Variants in DYNC1LI2 observed in about 807,000 individuals in gnomAD.
The protein encoded by DYNC1LI2 is cytoplasmic dynein 1 light intermediate chain 2.
Under a neutral mutation model 57.8 loss-of-function variants are expected in DYNC1LI2, and 19 were observed. That is an observed-to-expected ratio of 0.33 (90% confidence interval 0.23 to 0.48). DYNC1LI2 has a LOEUF of 0.48. Among genes scored for constraint, DYNC1LI2 ranks in the 20% least tolerant of loss-of-function variants. DYNC1LI2 has a pLI of 0.99. For synonymous variants in DYNC1LI2, 256 were observed against 233.4 expected, an observed-to-expected ratio of 1.10 and a Z score of -0.88; for missense variants, 470 against 604.2, an observed-to-expected ratio of 0.78 and a Z score of 2.33.
rs2017465972 is a variant in DYNC1LI2, at chr16:66,722,512, T to C, written c.*1210A>G. 6.6e-6 allele frequency: 1 copy of C among 152,620 alleles called. No homozygotes were observed. The highest frequency in any genetic ancestry group is 6.5e-5 in the Admixed American group (1 of 15,272). The allele number at this position is 152,620 out of a possible 1,614,324, so 9.5% of individuals were successfully genotyped here. ...TAGGTGGGGAGACACCTGAAACTCT[T>C]ATTTCCATAAGAAAAAAAATGCTAC... On this transcript the variant is annotated 3_prime_UTR_variant, in exon 13 of 13. Coordinates refer to ENST00000258198, the MANE Select transcript of DYNC1LI2 (RefSeq NM_006141.3).
rs1333007277 is a variant in DYNC1LI2 at position 66,732,258 on chromosome 16, C to T, written c.929+81G>A. 2.6e-6 allele frequency: 4 copies of T among 1,528,602 alleles called. No homozygotes were observed. The African/African-American group carries it at 4.2e-5, about 16-fold the overall frequency. The allele number at this position is 1,528,602 out of a possible 1,614,324, so 94.7% of individuals were successfully genotyped here. The stretch of plus-strand genomic sequence containing the variant: ...CTGTAGAAGACACAGACAGAAGGCA[C>T]CTTCCTTGAAGGGGTAAAATGTAAA... On this transcript the variant is annotated intron_variant, in intron 7 of 12. Transcript: ENST00000258198.
In DYNC1LI2 at chr16:66,730,122, G is replaced by A. The variant is rs1414372878; in HGVS notation, c.1031C>T (p.Pro344Leu). The change falls in exon 8 of 13, where the codon CCC (proline) becomes CTC (leucine). Residue 344 changes from proline (P) to leucine (L), a missense_variant. Pro to Leu is a moderately conservative substitution (Grantham distance 98, BLOSUM62 -3). Coordinates refer to ENST00000258198, the MANE Select transcript of DYNC1LI2 (RefSeq NM_006141.3). ...DAYEDFIVKPPVRKLVHDKEL... is the reference protein window; with the variant it reads ...DAYEDFIVKPLVRKLVHDKEL... The stretch of plus-strand genomic sequence containing the variant: ...ATTGTCTTTGACTACCTTTCTCACG[G>A]GAGGTTTCACAATAAAGTCTTCATA... 1 of 1,613,426 alleles carries A rather than the reference G, an allele frequency of 6.2e-7. No homozygotes were observed. Among genetic ancestry groups the A allele is most frequent in the Non-Finnish European group, 8.5e-7 (1 of 1,179,834 alleles).
At position 66,751,445 on chromosome 16, in the gene DYNC1LI2, C is replaced by T; in HGVS notation, c.107+40G>A. On this transcript the variant is annotated intron_variant, in intron 1 of 12. Transcript: ENST00000258198. The surrounding 1 kb of genome is among the most constrained non-coding windows in gnomAD (Gnocchi z 5.2). ...GTGTCCGACGGTCCGGCCCAGAGGC[C>T]GCGCCCCCCACGGCCCGGCCCGACC... The T allele has an allele frequency of 6.3e-7, 1 of 1,579,318 alleles. No homozygotes were observed. The highest frequency in any genetic ancestry group is 8.6e-7 in the Non-Finnish European group (1 of 1,166,750).
chr16:66,736,959 C>G (rs1438688872), intron 4 of DYNC1LI2, among the ~76,000 whole-genome samples: 1 of 152,170 alleles, frequency 6.6e-6, no homozygotes. Context: ...ACTTACAATA[C>G]TTATCACAGT....
chr16:66,743,411 T>A, intron 3 of DYNC1LI2, among the ~76,000 whole-genome samples: 1 of 150,276 alleles, frequency 6.7e-6, no homozygotes. Context: ...AAATACAAAA[T>A]TTAGCTGGGC....
intron 10 of DYNC1LI2, 81 bp downstream of exon 10, chr16:66,728,120 C>T (rs1019257586): frequency 1.8e-5 from 28 of 1,564,494 alleles, no homozygotes; most frequent in South Asian, 4.5e-5. Context: ...CACAAATATA[C>T]GCTCTCACAA....
In DYNC1LI2 at chr16:66,751,541, G is replaced by C; in HGVS notation, c.51C>G (p.Pro17=). 6.3e-7 allele frequency: 1 copy of C among 1,588,038 alleles called. No individual in the cohort carries two copies. The highest frequency in any genetic ancestry group is 8.5e-7 in the Non-Finnish European group (1 of 1,169,596). The change falls in exon 1 of 13, where the codon CCC becomes CCG. Residue 17 remains proline (P), a synonymous_variant. Transcript: ENST00000258198. The surrounding 1 kb of genome is among the most constrained non-coding windows in gnomAD (Gnocchi z 5.2). ...EKKLLLGPNG[P]AVAAAGDLTS... is the part of the protein sequence containing the mutation. ...TCAGGTCGCCGGCGGCCGCCACCGCGGGCCCGTTGGGACCTAGCAGCAGCT... is the reference window on the plus strand; with the variant it reads ...TCAGGTCGCCGGCGGCCGCCACCGCCGGCCCGTTGGGACCTAGCAGCAGCT...
chr16:66,740,397 T>C (rs2017815014), intron 4 of DYNC1LI2, among the ~76,000 whole-genome samples: 1 of 152,174 alleles, frequency 6.6e-6, no homozygotes, highest in Non-Finnish European at 1.5e-5. Context: ...AGCCAACTGC[T>C]TTATTAAAAT....
intron 3 of DYNC1LI2, among the ~76,000 whole-genome samples, chr16:66,748,289 A>AC (rs1407515026): frequency 6.6e-6 from 1 of 151,430 alleles, no homozygotes; most frequent in East Asian, 1.9e-4. Flanking sequence ...AAAAAAAAAA[A>AC]AAAAAAAAAA....
At position 66,736,169 on chromosome 16, in the gene DYNC1LI2, G is replaced by A. The variant is rs952178223; in HGVS notation, c.605C>T (p.Thr202Ile). 3.7e-6 allele frequency: 6 copies of A among 1,614,056 alleles called. No homozygotes were observed. The highest frequency in any genetic ancestry group is 5.1e-6 in the Non-Finnish European group (6 of 1,180,028). ...QGSPQRRGPL[T>I]SGSDEENVAL... ...AACATTTTCTTCATCGGAGCCTGAG[G>A]TCAGAGGGCCTCTTCTCTGTGGGGA... is the stretch of plus-strand genomic sequence containing the variant. The change falls in exon 5 of 13, where the codon ACC becomes ATC. Residue 202 changes from threonine (T) to isoleucine (I), a missense_variant. Thr to Ile is a moderately conservative substitution (Grantham distance 89). Coordinates refer to ENST00000258198, the MANE Select transcript of DYNC1LI2 (RefSeq NM_006141.3).
At chr16:66,740,096 A>T (rs960084783) in intron 4 of DYNC1LI2, among the ~76,000 whole-genome samples, 1 of 152,126 alleles carries the variant, frequency 6.6e-6, no homozygotes, top group African/African-American at 2.4e-5. Flanking sequence ...CATATATAAA[A>T]CAAGAAAGAG....
Position 66,727,770 on chromosome 16 carries a change from C to T in DYNC1LI2, c.1179G>A (p.Arg393=). 6.2e-7 allele frequency: 1 copy of T among 1,614,000 alleles called. No individual in the cohort carries two copies. Among genetic ancestry groups the T allele is most frequent in the Non-Finnish European group, 8.5e-7 (1 of 1,179,970 alleles). Residue 393 remains arginine, a synonymous_variant, in exon 11 of 13, where the codon AGG becomes AGA. Transcript: ENST00000258198. Reference sequence around the variant, plus strand: ...TGGCTGGCCCTCCCCGACCCTGGGTCCTTGGAGAGCCAGAGGGTCCTCTTG... The same window carrying T: ...TGGCTGGCCCTCCCCGACCCTGGGTTCTTGGAGAGCCAGAGGGTCCTCTTG... ...SPARGPSGSP[R]TQGRGGPASV...
rs779406085 is a variant in DYNC1LI2 at position 66,727,746 on chromosome 16, G to C, written c.1203C>G (p.Ala401=). 6.2e-7 allele frequency: 1 copy of C among 1,614,126 alleles called. No individual in the cohort carries two copies. Among genetic ancestry groups the C allele is most frequent in the Non-Finnish European group, 8.5e-7 (1 of 1,180,004 alleles). The change falls in exon 11 of 13, where the codon GCC becomes GCG. Residue 401 remains alanine (A), a synonymous_variant. Coordinates refer to ENST00000258198, the MANE Select transcript of DYNC1LI2 (RefSeq NM_006141.3). ...SPRTQGRGGP[A]SVPSSSPGTS... is the part of the protein sequence containing the mutation. ...TGCCTGGGGAGGAGCTAGGCACACT[G>C]GCTGGCCCTCCCCGACCCTGGGTCC... is the stretch of plus-strand genomic sequence containing the variant.
At chr16:66,730,461 G>A in intron 7 of DYNC1LI2, 1 of 383,244 alleles carries the variant, frequency 2.6e-6, no homozygotes, top group Non-Finnish European at 4.7e-6. Context: ...GAGCCAGTAT[G>A]AGATCCCATT....
intron 3 of DYNC1LI2, 40 bp downstream of exon 3, chr16:66,749,157 T>C (rs367831953): frequency 6.2e-7 from 1 of 1,601,760 alleles, no homozygotes. Flanking sequence ...GTCAGAGTCC[T>C]GCATACACCC....
chr16:66,727,511 C>T (rs1277536361), intron 11 of DYNC1LI2, among the ~76,000 whole-genome samples, 177 bp downstream of exon 11: 1 of 152,186 alleles, frequency 6.6e-6, no homozygotes, highest in African/African-American at 2.4e-5. Context: ...TGGTCTCTGC[C>T]TACCATGGAC....
chr16:66,726,240 T>C (rs2017534218), intron 11 of DYNC1LI2, among the ~76,000 whole-genome samples: 1 of 152,180 alleles, frequency 6.6e-6, no homozygotes, highest in Non-Finnish European at 1.5e-5. Flanking sequence ...GCACTTAACA[T>C]TCCAAACCTG....
At chr16:66,741,474 C>G (rs1344918954) in intron 4 of DYNC1LI2, among the ~76,000 whole-genome samples, 1 of 152,146 alleles carries the variant, frequency 6.6e-6, no homozygotes, top group Non-Finnish European at 1.5e-5. Flanking sequence ...CAACGTGGGA[C>G]AGAAGCAAGA....
intron 4 of DYNC1LI2, among the ~76,000 whole-genome samples, chr16:66,737,470 G>C (rs1158608844): frequency 8.1e-6 from 1 of 123,046 alleles, no homozygotes; most frequent in East Asian, 2.4e-4. Context: ...GTTGCAGTAA[G>C]ACAGAGCGAG....
Sources: gnomAD v4.1 joint callset for allele counts (sites outside exome capture counted in the v4.1 genomes callset) on GRCh38, gnomAD v4.1.1 for gene constraint, Gnocchi (gnomAD v3.1) non-coding constraint, MANE v1.5 for transcripts, NCBI Gene and HGNC (gene_info 2026-07-23, HGNC 2026-07-21) for gene names.